The following WDR49 variants were observed in gnomAD, a reference collection of about 807,000 sequenced individuals.
WDR49 encodes the protein cilia- and flagella-associated protein 337.
In WDR49, 107 loss-of-function variants were observed where a neutral mutation model predicts 119.5. That is an observed-to-expected ratio of 0.90 (90% CI 0.77 to 1.05). The LOEUF (loss-of-function observed/expected upper bound fraction) is 1.05. WDR49 is among the 50% of genes least tolerant of loss of function. WDR49 has a pLI of 0.00. For synonymous variants in WDR49, 425 were observed against 418.8 expected (o/e 1.01, Z -0.18); for missense variants, 1,240 against 1,220.5 (o/e 1.02, Z -0.24).
At chr3:167,504,262 C>G (rs1751688189) in intron 17 of WDR49, among the ~76,000 whole-genome samples, 1 of 152,184 alleles carries the variant, frequency 6.6e-6, no homozygotes, top group Non-Finnish European at 1.5e-5. Context: ...TCAACTCTAA[C>G]CCATGAGAAC....
At chr3:167,651,391 T>C (rs1382477341) in intron 2 of WDR49, among the ~76,000 whole-genome samples, 1 of 152,214 alleles carries the variant, frequency 6.6e-6, no homozygotes, top group Non-Finnish European at 1.5e-5. Context: ...CAGCAATCTA[T>C]ACCTGTGGCC....
intron 9 of WDR49, among the ~76,000 whole-genome samples, chr3:167,557,251 GAAA>G (rs1404191258): frequency 3.9e-5 from 6 of 151,970 alleles, no homozygotes; most frequent in African/African-American, 1.4e-4. Flanking sequence ...TTAGCTTCTA[GAAA>G]GTCATCTCAC....
At chr3:167,518,343 C>T (rs1264165538) in intron 16 of WDR49, among the ~76,000 whole-genome samples, 1 of 151,838 alleles carries the variant, frequency 6.6e-6, no homozygotes, top group Non-Finnish European at 1.5e-5. Context: ...AGTTTACAGT[C>T]CCACCAACAG....
chr3:167,590,473 T>C (rs1227550021), intron 7 of WDR49, among the ~76,000 whole-genome samples: 1 of 152,040 alleles, frequency 6.6e-6, no homozygotes, highest in Admixed American at 6.6e-5. Context: ...TTGAGTAGGA[T>C]TGGTACCAGT....
Position 167,533,057 on chromosome 3 carries a change from A to G in WDR49, c.1955-80T>C, listed in dbSNP as rs139452367. On this transcript the variant is annotated intron_variant, in intron 11 of 18. Coordinates refer to ENST00000682715, the MANE Select transcript of WDR49 (RefSeq NM_001366157.1). The stretch of plus-strand genomic sequence containing the variant: ...TGAGCAACAGCAATCAGAAGAAGTT[A>G]TTAGCAACATATCTTCCACAGAATA... 4.6e-4 allele frequency: 436 copies of G among 950,236 alleles called. No individual in the cohort carries two copies. In the African/African-American group the frequency reaches 6.5e-3, roughly 14 times the overall value. 58.9% of individuals were successfully genotyped at this position (950,236 alleles called of 1,614,324 possible). A position where few individuals can be genotyped will look rare whatever the true frequency, so the allele number is the denominator to read the frequency against.
intron 10 of WDR49, among the ~76,000 whole-genome samples, chr3:167,554,147 G>C (rs959557818): frequency 3.9e-5 from 6 of 152,152 alleles, no homozygotes; most frequent in African/African-American, 1.4e-4. Context: ...GGAAGGAAAA[G>C]TAATTTTCCT....
At chr3:167,629,446 C>T (rs77702758) in intron 2 of WDR49, among the ~76,000 whole-genome samples, 4,879 of 152,128 alleles carry the variant, frequency 0.032, 122 homozygotes, top group Middle Eastern at 0.061. Context: ...AGAGCTCCAA[C>T]GGAGATGTAC....
At chr3:167,516,415 C>A (rs1413893694) in intron 16 of WDR49, among the ~76,000 whole-genome samples, 1 of 152,036 alleles carries the variant, frequency 6.6e-6, no homozygotes, top group Admixed American at 6.6e-5. Flanking sequence ...CATGTCCCTA[C>A]AAAGGACATG....
At chr3:167,594,594 A>C (rs1020753721) in intron 7 of WDR49, among the ~76,000 whole-genome samples, 3 of 152,264 alleles carry the variant, frequency 2.0e-5, no homozygotes, top group Non-Finnish European at 2.9e-5. Context: ...GAAGCAGAAC[A>C]TAAAAGTTTG....
chr3:167,540,851 G>T (rs1391577977), intron 10 of WDR49, among the ~76,000 whole-genome samples: 1 of 151,378 alleles, frequency 6.6e-6, no homozygotes, highest in Non-Finnish European at 1.5e-5. Flanking sequence ...ATATCAAAAA[G>T]AAAAAAACAA....
At chr3:167,509,159 T>G (rs905956067) in intron 16 of WDR49, among the ~76,000 whole-genome samples, 3 of 152,178 alleles carry the variant, frequency 2.0e-5, no homozygotes, top group African/African-American at 7.2e-5. Flanking sequence ...GATAAGCAAT[T>G]TTTTAAATGG....
intron 11 of WDR49, among the ~76,000 whole-genome samples, chr3:167,534,540 T>A (rs139297445): frequency 4.5e-4 from 69 of 152,270 alleles, no homozygotes; most frequent in African/African-American, 1.7e-3. Flanking sequence ...ATTTCATTAG[T>A]CCTGAAAACA....
chr3:167,629,806 T>C (rs1717288085), intron 2 of WDR49, among the ~76,000 whole-genome samples: 1 of 152,068 alleles, frequency 6.6e-6, no homozygotes, highest in Non-Finnish European at 1.5e-5. Context: ...ACTGCGGATG[T>C]GGTAGAAATG....
chr3:167,576,216 T>C, intron 7 of WDR49, 65 bp from the exon 8 acceptor site: 1 of 1,428,086 alleles, frequency 7.0e-7, no homozygotes, highest in Non-Finnish European at 9.6e-7. Context: ...TAGCCAATTT[T>C]TTTTCTAGCT....
chr3:167,623,766 CTCTATA>C (rs1402896544), intron 3 of WDR49, among the ~76,000 whole-genome samples: 1 of 151,878 alleles, frequency 6.6e-6, no homozygotes, highest in African/African-American at 2.4e-5. Flanking sequence ...TAAACTAGCT[CTCTATA>C]TCTATTTGAA....
chr3:167,590,173 T>C (rs1449144250), intron 7 of WDR49, among the ~76,000 whole-genome samples: 2 of 152,166 alleles, frequency 1.3e-5, no homozygotes, highest in Non-Finnish European at 2.9e-5. Context: ...TTAGTTTTTG[T>C]CCTTCATTCC....
chr3:167,600,731 A>AAAAAGTCT (rs1715731535), intron 7 of WDR49, among the ~76,000 whole-genome samples: 1 of 152,250 alleles, frequency 6.6e-6, no homozygotes. Flanking sequence ...AAGAGACTTC[A>AAAAAGTCT]AAAAGTCTAA....
intron 7 of WDR49, among the ~76,000 whole-genome samples, chr3:167,588,710 T>C (rs1474009318): frequency 1.3e-5 from 2 of 152,170 alleles, no homozygotes; most frequent in African/African-American, 4.8e-5. Flanking sequence ...GAGCACCTTT[T>C]CATATGCCTG....
intron 10 of WDR49, among the ~76,000 whole-genome samples, chr3:167,548,974 A>G (rs140656937): frequency 0.024 from 3,654 of 152,244 alleles, 88 homozygotes; most frequent in Non-Finnish European, 0.028. Flanking sequence ...TAGTTTGCTC[A>G]GAATGATGGT....
Sources: gnomAD v4.1 joint callset for allele counts (sites outside exome capture counted in the v4.1 genomes callset) on GRCh38, gnomAD v4.1.1 for gene constraint, MANE v1.5 for transcripts, NCBI Gene and HGNC (gene_info 2026-07-23, HGNC 2026-07-21) for gene names.